The following YWHAB variants were observed in gnomAD, a reference collection of about 807,000 sequenced individuals.
YWHAB encodes the protein 14-3-3 protein beta/alpha.
YWHAB carries 2 observed loss-of-function variants against 28.5 expected under a neutral mutation model. That is an observed-to-expected ratio of 0.07 (90% CI 0.03 to 0.22). The LOEUF (loss-of-function observed/expected upper bound fraction) is 0.22, where lower values mean the gene tolerates loss of function less well. YWHAB is among the 10% of genes least tolerant of loss of function. YWHAB has a pLI of 1.00. For synonymous variants in YWHAB, 103 were observed against 104.7 expected, an observed-to-expected ratio of 0.98 and a Z score of 0.10; for missense variants, 148 against 297.1, an observed-to-expected ratio of 0.50 and a Z score of 3.69.
At chr20:44,888,778 C>G (rs112596909) in intron 1 of YWHAB, among the ~76,000 whole-genome samples, 1 of 152,170 alleles carries the variant, frequency 6.6e-6, no homozygotes, top group South Asian at 2.1e-4. Context: ...TTGCTTCATA[C>G]TAGGGAGAAA....
intron 1 of YWHAB, among the ~76,000 whole-genome samples, chr20:44,895,345 A>G (rs2066589624): frequency 6.6e-6 from 1 of 152,234 alleles, no homozygotes; most frequent in Admixed American, 6.5e-5. Flanking sequence ...CCAAACAAGT[A>G]AAGAGGAGAC....
intron 1 of YWHAB, 127 bp from the exon 2 acceptor site, chr20:44,901,404 C>T (rs755893883): frequency 1.4e-5 from 13 of 951,786 alleles, no homozygotes; most frequent in Non-Finnish European, 1.9e-5. Flanking sequence ...TTGTTGATGG[C>T]ATTTGGAATG....
intron 2 of YWHAB, 105 bp from the exon 3 acceptor site, chr20:44,903,888 T>A: frequency 3.7e-6 from 5 of 1,356,644 alleles, no homozygotes; most frequent in South Asian, 1.4e-5. Flanking sequence ...GTTTTTTTAA[T>A]CTTCCAAAAA....
At chr20:44,903,218 T>A (rs1378024281) in intron 2 of YWHAB, 1 of 391,482 alleles carries the variant, frequency 2.6e-6, no homozygotes, top group Non-Finnish European at 3.5e-6. Context: ...GCTTTATGTA[T>A]GTCAACTTAT....
intron 1 of YWHAB, among the ~76,000 whole-genome samples, chr20:44,889,762 A>G (rs768033153): frequency 3.9e-5 from 6 of 152,308 alleles, no homozygotes; most frequent in Non-Finnish European, 7.4e-5. Context: ...GCTAGATAAC[A>G]TTAGCTTAAT....
intron 1 of YWHAB, chr20:44,886,736 G>A (rs912909339): frequency 3.3e-5 from 5 of 152,246 alleles, no homozygotes; most frequent in African/African-American, 1.2e-4. Flanking sequence ...GTGGGAAGGT[G>A]AGTGCATCTT....
chr20:44,889,236 C>T (rs1420448818), intron 1 of YWHAB, among the ~76,000 whole-genome samples: 3 of 152,086 alleles, frequency 2.0e-5, no homozygotes, highest in African/African-American at 7.2e-5. Flanking sequence ...GAGAAACTAA[C>T]GGTTGGAGCT....
At chr20:44,901,943 T>A in intron 2 of YWHAB, 110 bp downstream of exon 2, 4 of 1,258,246 alleles carry the variant, frequency 3.2e-6, no homozygotes, top group Non-Finnish European at 4.2e-6. Context: ...CTGAATATAC[T>A]GGAAAGCTGC....
In YWHAB at chr20:44,907,898, C is replaced by T. The variant is rs1172971731; in HGVS notation, c.*1460C>T. 1 of 152,276 alleles carries T rather than the reference C, an allele frequency of 6.6e-6. No homozygotes were observed. The highest frequency in any genetic ancestry group is 2.4e-5 in the African/African-American group (1 of 41,396). The allele number at this position is 152,276 out of a possible 1,614,324, so 9.4% of individuals were successfully genotyped here. A position where few individuals can be genotyped will look rare whatever the true frequency, so the allele number is the denominator to read the frequency against. On this transcript the variant is annotated 3_prime_UTR_variant, in exon 6 of 6. Coordinates refer to ENST00000353703, the MANE Select transcript of YWHAB (RefSeq NM_139323.4). ...GATTTCTCCCTGTATTGAGGCTAGC[C>T]CTGATCATGCTTTTTGTGCCTGTCA... is the stretch of plus-strand genomic sequence containing the variant.
chr20:44,906,393 G>A lies in YWHAB; in HGVS notation c.696G>A (p.Ser232=), dbSNP rs776721190. 5.6e-6 allele frequency: 9 copies of A among 1,612,108 alleles called. No homozygotes were observed. The highest frequency in any genetic ancestry group is 1.7e-5 in the Admixed American group (1 of 59,898). ...CCTTTCTCTTGCAGCTGTGGACATCGGAAAACCAGGGAGACGAAGGAGACG... is the reference window on the plus strand; with the variant it reads ...CCTTTCTCTTGCAGCTGTGGACATCAGAAAACCAGGGAGACGAAGGAGACG... ...LLRDNLTLWT[S]ENQGDEGDAG... The change falls in exon 6 of 6, where the codon TCG becomes TCA. Residue 232 remains serine (S), a synonymous_variant. Coordinates refer to ENST00000353703, the MANE Select transcript of YWHAB (RefSeq NM_139323.4).
intron 1 of YWHAB, among the ~76,000 whole-genome samples, chr20:44,889,614 A>G (rs553895165): frequency 3.1e-4 from 47 of 152,202 alleles, no homozygotes; most frequent in Non-Finnish European, 5.1e-4. Flanking sequence ...GCTACAATAA[A>G]GTAGATATGA....
In YWHAB at chr20:44,907,545, G is replaced by A. The variant is rs556331268; in HGVS notation, c.*1107G>A. ...TCAGTTTTCAGGTTCTTCCTAGCTC[G>A]GGGCTTTTAAATTTTGAAATCTAAA... On this transcript the variant is annotated 3_prime_UTR_variant, in exon 6 of 6. Coordinates refer to ENST00000353703, the MANE Select transcript of YWHAB (RefSeq NM_139323.4). 6.6e-6 allele frequency: 1 copy of A among 152,138 alleles called. No individual in the cohort carries two copies. Among genetic ancestry groups the A allele is most frequent in the Admixed American group, 6.5e-5 (1 of 15,274 alleles). The allele number at this position is 152,138 out of a possible 1,614,324, so 9.4% of individuals were successfully genotyped here. A position where few individuals can be genotyped will look rare whatever the true frequency, so the allele number is the denominator to read the frequency against.
At chr20:44,901,383 TATC>T in intron 1 of YWHAB, 145 bp from the exon 2 acceptor site, 1 of 815,298 alleles carries the variant, frequency 1.2e-6, no homozygotes, top group South Asian at 1.9e-5. Flanking sequence ...GTGTTTGATA[TATC>T]ATCAATATTG....
intron 1 of YWHAB, among the ~76,000 whole-genome samples, chr20:44,900,672 G>A (rs1238389659): frequency 6.6e-6 from 1 of 152,226 alleles, no homozygotes; most frequent in Non-Finnish European, 1.5e-5. Context: ...GTTGCTTACA[G>A]GACAGTGAAG....
rs188026722 is a variant in YWHAB, at chr20:44,903,089, C to T, written c.301-904C>T. ...CTCTTCGAAAATATTGCTCTGTATA[C>T]GAAGCTTGGACTCCTTCAGAACTAC... On this transcript the variant is annotated intron_variant, in intron 2 of 5. Coordinates refer to ENST00000353703, the MANE Select transcript of YWHAB (RefSeq NM_139323.4). The T allele has an allele frequency of 4.2e-4, 415 of 986,504 alleles. 2 individuals carry two copies. The African/African-American group carries it at 6.6e-3, about 16-fold the overall frequency. 61.1% of individuals were successfully genotyped at this position (986,504 alleles called of 1,614,324 possible).
intron 1 of YWHAB, chr20:44,887,490 G>C (rs1022415568): frequency 5.9e-5 from 9 of 152,172 alleles, no homozygotes; most frequent in Admixed American, 3.9e-4. Flanking sequence ...TGGATTGCCA[G>C]CCCCTGGAGT....
chr20:44,898,325 A>G (rs2066607306), intron 1 of YWHAB, among the ~76,000 whole-genome samples: 1 of 152,154 alleles, frequency 6.6e-6, no homozygotes, highest in South Asian at 2.1e-4. Flanking sequence ...AGGAAGAAAA[A>G]TTATAGTTAT....
At position 44,901,612 on chromosome 20, in the gene YWHAB, G is replaced by A. The variant is rs2066627275; in HGVS notation, c.79G>A (p.Ala27Thr). Residue 27 changes from alanine to threonine, a missense_variant, in exon 2 of 6, where the codon GCC becomes ACC. Ala to Thr is a moderately conservative substitution (Grantham distance 58). This residue lies in a region of YWHAB where 110 missense variants were observed against 177.9 expected (regional missense o/e 0.62). Transcript: ENST00000353703. ...QAERYDDMAA[A>T]MKAVTEQGHE... ...TGAGCGATATGATGATATGGCTGCA[G>A]CCATGAAGGCAGTCACAGAACAGGG... is the stretch of plus-strand genomic sequence containing the variant. 1 of 1,614,048 alleles carries A rather than the reference G, an allele frequency of 6.2e-7. No individual in the cohort carries two copies. Among genetic ancestry groups the A allele is most frequent in the Non-Finnish European group, 8.5e-7 (1 of 1,180,006 alleles).
intron 1 of YWHAB, 128 bp downstream of exon 1, chr20:44,886,014 C>T (rs1374252376): frequency 1.3e-5 from 2 of 152,266 alleles, no homozygotes; most frequent in Non-Finnish European, 1.5e-5. Context: ...CTCTTTCGCT[C>T]CGCGCGGCCG....
Sources: allele counts gnomAD v4.1 joint callset (sites outside exome capture counted in the v4.1 genomes callset), GRCh38; gene constraint gnomAD v4.1.1; regional missense constraint gnomAD v4.1.1; transcripts MANE v1.5; gene names NCBI Gene and HGNC (gene_info 2026-07-23, HGNC 2026-07-21).